DYTN: variants seen among roughly 807,000 people sequenced by gnomAD.
DYTN encodes dystrotelin.
A neutral mutation model predicts 69.6 loss-of-function variants in DYTN; 75 were observed. The ratio of observed to expected loss-of-function variants is 1.08; its 90% confidence interval spans 0.89 to 1.31. The LOEUF is 1.31. Ranked by LOEUF, DYTN falls within the 50% of genes most tolerant of loss-of-function variation. The pLI is 0.00. For missense variants in DYTN, 726 were observed against 688.4 expected (o/e 1.05, Z -0.61); for synonymous variants, 252 against 249.1 (o/e 1.01, Z -0.11).
intron 9 of DYTN, among the ~76,000 whole-genome samples, chr2:206,684,941 T>C (rs1699789256): frequency 6.6e-6 from 1 of 152,192 alleles, no homozygotes; most frequent in Admixed American, 6.5e-5. Context: ...GGTGAAGTCC[T>C]AAGATAAAGC....
At chr2:206,659,399 C>T (rs1475537749) in intron 11 of DYTN, among the ~76,000 whole-genome samples, 1 of 147,930 alleles carries the variant, frequency 6.8e-6, no homozygotes, top group Non-Finnish European at 1.5e-5. Flanking sequence ...TGGTATCGAT[C>T]TCCTGACCTC....
At chr2:206,717,832 T>C (rs1292666838) in intron 1 of DYTN, among the ~76,000 whole-genome samples, 1 of 152,236 alleles carries the variant, frequency 6.6e-6, no homozygotes, top group Non-Finnish European at 1.5e-5. Context: ...TATCCACTTA[T>C]AAAATTTTCA....
At chr2:206,713,437 G>C (rs968838699) in intron 1 of DYTN, among the ~76,000 whole-genome samples, 3 of 152,204 alleles carry the variant, frequency 2.0e-5, no homozygotes, top group Admixed American at 1.3e-4. Context: ...GTGGTAGAGA[G>C]AGGGAGGAAA....
chr2:206,693,207 A>G lies in DYTN; in HGVS notation c.948T>C (p.Asn316=). The G allele has an allele frequency of 6.2e-7, 1 of 1,612,888 alleles. No homozygotes were observed. The highest frequency in any genetic ancestry group is 8.5e-7 in the Non-Finnish European group (1 of 1,179,718). ...ARRQQLLDQV[N]PKGVPHHAQA... is the part of the protein sequence containing the mutation. ...GCGCATGGTGAGGCACACCCTTTGG[A>G]TTCACCTGGTCCAGCAGCTGCTGCC... is the stretch of plus-strand genomic sequence containing the variant. The change falls in exon 9 of 12, where the codon AAT becomes AAC. Residue 316 remains asparagine (N), a synonymous_variant. Coordinates refer to ENST00000452335, the MANE Select transcript of DYTN (RefSeq NM_001093730.1).
chr2:206,691,828 T>C (rs971317408), intron 9 of DYTN, among the ~76,000 whole-genome samples: 16 of 151,866 alleles, frequency 1.1e-4, no homozygotes, highest in Non-Finnish European at 1.2e-4. Flanking sequence ...GAAATAGGGG[T>C]CTGGGATTGA....
chr2:206,699,227 A>G (rs910053334), intron 7 of DYTN, among the ~76,000 whole-genome samples: 11 of 152,200 alleles, frequency 7.2e-5, no homozygotes, highest in African/African-American at 2.7e-4. Flanking sequence ...TAAGATCAGG[A>G]GTTGGAGACC....
In DYTN at chr2:206,668,807, G is replaced by T. The variant is rs35454210; in HGVS notation, c.981-2778C>A. 7.4e-3 allele frequency among the ~76,000 whole-genome samples: 1,124 copies of T among 152,088 alleles called. 6 individuals carry two copies. The highest frequency in any genetic ancestry group is 0.017 in the Middle Eastern group (5 of 294). On this transcript the variant is annotated intron_variant, in intron 9 of 11. Transcript: ENST00000452335. ...CCAGGTGGAGGTAATTAAATCATGAGGGCAGTTTTCCCCATGCTGTTCTCA... is the reference window on the plus strand; with the variant it reads ...CCAGGTGGAGGTAATTAAATCATGATGGCAGTTTTCCCCATGCTGTTCTCA...
intron 7 of DYTN, among the ~76,000 whole-genome samples, 154 bp downstream of exon 7, chr2:206,699,573 C>T (rs941113366): frequency 6.6e-6 from 1 of 152,164 alleles, no homozygotes. Flanking sequence ...TATTATCAAC[C>T]AGGATGCCTC....
At chr2:206,714,173 G>A (rs1266296696) in intron 1 of DYTN, among the ~76,000 whole-genome samples, 5 of 152,124 alleles carry the variant, frequency 3.3e-5, no homozygotes, top group Non-Finnish European at 7.4e-5. Context: ...AGATCTAACA[G>A]TGTCTCTGTG....
chr2:206,718,131 A>G (rs539387240), intron 1 of DYTN, 130 bp downstream of exon 1: 1 of 886,656 alleles, frequency 1.1e-6, no homozygotes, highest in South Asian at 2.2e-5. Flanking sequence ...TAATCAAATA[A>G]CAGTTTCTTT....
chr2:206,667,430 G>T (rs1699585298), intron 9 of DYTN, among the ~76,000 whole-genome samples: 1 of 151,952 alleles, frequency 6.6e-6, no homozygotes, highest in Non-Finnish European at 1.5e-5. Flanking sequence ...TTTCAGTGAG[G>T]CATTATCTGA....
In DYTN at chr2:206,651,837, G is replaced by A. The variant is rs373954592; in HGVS notation, c.1718C>T (p.Ala573Val). The A allele has an allele frequency of 1.9e-6, 3 of 1,613,412 alleles. No homozygotes were observed. Among genetic ancestry groups the A allele is most frequent in the Non-Finnish European group, 8.5e-7 (1 of 1,179,580 alleles). ...RAFSALVDQI[A>V]LPNLK Reference sequence around the variant, plus strand: ...TCCATTTCACTTCAAATTGGGCAAGGCAATTTGATCAACAAGGGCAGAGAA... The same window carrying A: ...TCCATTTCACTTCAAATTGGGCAAGACAATTTGATCAACAAGGGCAGAGAA... The change falls in exon 12 of 12, where the codon GCC becomes GTC. Residue 573 changes from alanine to valine, a missense_variant. By Grantham distance (64) the Ala-to-Val change is moderately conservative. Transcript: ENST00000452335.
intron 9 of DYTN, among the ~76,000 whole-genome samples, chr2:206,667,579 T>C (rs1699586774): frequency 6.6e-6 from 1 of 152,214 alleles, no homozygotes; most frequent in African/African-American, 2.4e-5. Flanking sequence ...TTCAAATTTC[T>C]AGACAGCCAT....
At chr2:206,672,583 C>T (rs1165665572) in intron 9 of DYTN, among the ~76,000 whole-genome samples, 1 of 152,172 alleles carries the variant, frequency 6.6e-6, no homozygotes, top group Admixed American at 6.5e-5. Context: ...CAGACAGGCC[C>T]AATAAAACAT....
At chr2:206,693,152 A>ACCTCTGTGG (rs1699882908) in intron 9 of DYTN, 23 bp downstream of exon 9, 20 of 1,590,170 alleles carry the variant, frequency 1.3e-5, no homozygotes, top group Non-Finnish European at 1.7e-5. Flanking sequence ...CTGTGGGATC[A>ACCTCTGTGG]GCCAATCCTC....
chr2:206,704,391 G>T (rs1700004997), intron 5 of DYTN, among the ~76,000 whole-genome samples: 1 of 152,200 alleles, frequency 6.6e-6, no homozygotes, highest in South Asian at 2.1e-4. Flanking sequence ...TGCATGTCAG[G>T]CACAAATTTT....
At chr2:206,665,821 G>C (rs1699563867) in intron 10 of DYTN, 49 bp downstream of exon 10, 6 of 1,591,902 alleles carry the variant, frequency 3.8e-6, no homozygotes, top group Non-Finnish European at 5.1e-6. Context: ...AGGACTCAAG[G>C]TTAGACTTCC....
rs560128332 is a variant in DYTN, at chr2:206,704,951, T to A, written c.383-8A>T. ...CATAGAGTTGAAAAAGAGCTAGACA[T>A]GTAGGAGGAACAATCTTTAAATTGA... On this transcript the variant is annotated splice_region_variant and splice_polypyrimidine_tract_variant and intron_variant, in intron 4 of 11. Transcript: ENST00000452335. 3.7e-6 allele frequency: 6 copies of A among 1,609,174 alleles called. No individual in the cohort carries two copies. The South Asian group carries it at 5.5e-5, about 15-fold the overall frequency.
At chr2:206,679,570 T>C (rs912471655) in intron 9 of DYTN, among the ~76,000 whole-genome samples, 2 of 152,224 alleles carry the variant, frequency 1.3e-5, no homozygotes, top group African/African-American at 4.8e-5. Context: ...TATATTCTGT[T>C]ATACAATTCC....
Sources: gnomAD v4.1 joint callset for allele counts (sites outside exome capture counted in the v4.1 genomes callset) on GRCh38, gnomAD v4.1.1 for gene constraint, MANE v1.5 for transcripts, NCBI Gene and HGNC (gene_info 2026-07-23, HGNC 2026-07-21) for gene names.